Variants in ANKRD44 observed in about 807,000 individuals in gnomAD.
The protein encoded by ANKRD44 is serine/threonine-protein phosphatase 6 regulatory ankyrin repeat subunit B.
In ANKRD44, 35 loss-of-function variants were observed where a neutral mutation model predicts 116.0. The ratio of observed to expected loss-of-function variants is 0.30; its 90% CI spans 0.23 to 0.40. The LOEUF (loss-of-function observed/expected upper bound fraction) is 0.40. Ranked by LOEUF, ANKRD44 falls within the 10% of genes least tolerant of loss-of-function variation. The pLI is 1.00. For missense variants in ANKRD44, 1,014 were observed against 1,242.6 expected, an observed-to-expected ratio of 0.82 and a Z score of 2.77; for synonymous variants, 435 against 461.8, an observed-to-expected ratio of 0.94 and a Z score of 0.74.
At chr2:197,271,948 G>A (rs1291571822) in intron 1 of ANKRD44, among the ~76,000 whole-genome samples, 1 of 152,142 alleles carries the variant, frequency 6.6e-6, no homozygotes, top group Non-Finnish European at 1.5e-5. Flanking sequence ...CTGAATGTTT[G>A]TCCCCAACAA....
intron 2 of ANKRD44, among the ~76,000 whole-genome samples, chr2:197,181,088 A>C (rs1158055277): frequency 6.6e-6 from 1 of 152,230 alleles, no homozygotes; most frequent in Admixed American, 6.5e-5. Context: ...ACATAAGCTT[A>C]GCTTGCACCT....
At chr2:197,056,608 T>C (rs990161929) in intron 16 of ANKRD44, among the ~76,000 whole-genome samples, 1 of 152,168 alleles carries the variant, frequency 6.6e-6, no homozygotes, top group Admixed American at 6.5e-5. Context: ...ATCTTTAATT[T>C]TTCTCAATAA....
At chr2:197,229,176 C>T (rs2252542) in intron 1 of ANKRD44, among the ~76,000 whole-genome samples, 87,953 of 152,114 alleles carry the variant, frequency 0.58, 26,636 homozygotes, top group African/African-American at 0.77. Flanking sequence ...AGGCATAAAA[C>T]ACTTGATGTG....
chr2:197,056,961 T>A (rs1227633465), intron 16 of ANKRD44, among the ~76,000 whole-genome samples: 1 of 152,240 alleles, frequency 6.6e-6, no homozygotes, highest in Non-Finnish European at 1.5e-5. Flanking sequence ...GTGGACATTA[T>A]TGGCGGGCCA....
At chr2:197,061,198 C>G (rs1294722295) in intron 16 of ANKRD44, among the ~76,000 whole-genome samples, 1 of 152,184 alleles carries the variant, frequency 6.6e-6, no homozygotes, top group Non-Finnish European at 1.5e-5. Context: ...GCTTACAGAT[C>G]TTGTAGCTAG....
Position 197,125,915 on chromosome 2 carries a change from G to C in ANKRD44, c.384C>G (p.Pro128=). The C allele has an allele frequency of 1.2e-6, 2 of 1,614,188 alleles. No homozygotes were observed. The highest frequency in any genetic ancestry group is 1.7e-6 in the Non-Finnish European group (2 of 1,180,030). ...KAVKCAEVII[P]LLSSVNVSDR... Reference sequence around the variant, plus strand: ...CGGAGACATTGACACTGCTCAGCAGGGGAATGATCACTTCTGCACATTTGA... The same window carrying C: ...CGGAGACATTGACACTGCTCAGCAGCGGAATGATCACTTCTGCACATTTGA... Residue 128 remains proline (P), a synonymous_variant, in exon 5 of 28, where the codon CCC becomes CCG. Coordinates refer to ENST00000282272, the MANE Select transcript of ANKRD44 (RefSeq NM_001195144.2).
chr2:196,990,795 T>C (rs2075900892), intron 27 of ANKRD44: 2 of 1,232,070 alleles, frequency 1.6e-6, no homozygotes, highest in Non-Finnish European at 2.0e-6. Flanking sequence ...GCTCAAATTG[T>C]CTTTTTTTAA....
intron 3 of ANKRD44, among the ~76,000 whole-genome samples, chr2:197,145,098 T>C (rs1473257535): frequency 1.3e-5 from 2 of 152,112 alleles, no homozygotes. Flanking sequence ...GAGACTATCC[T>C]GGCTAACATG....
At chr2:197,012,287 A>C (rs567115544) in intron 18 of ANKRD44, among the ~76,000 whole-genome samples, 3 of 152,312 alleles carry the variant, frequency 2.0e-5, no homozygotes, top group Admixed American at 2.0e-4. Context: ...AGTGAAAATG[A>C]TTGTTCTTCA....
chr2:197,223,168 A>G (rs763082343), intron 1 of ANKRD44, among the ~76,000 whole-genome samples: 1 of 152,210 alleles, frequency 6.6e-6, no homozygotes, highest in Admixed American at 6.5e-5. Context: ...AACAGTTTAG[A>G]TAATAATGTT....
At position 197,277,178 on chromosome 2, in the gene ANKRD44, C is replaced by T. The variant is rs558594401; in HGVS notation, c.27+33400G>A. Among the ~76,000 whole-genome samples, 115 of 151,858 alleles carry T rather than the reference C, an allele frequency of 7.6e-4. 1 individual carries two copies. The highest frequency in any genetic ancestry group is 2.6e-3 in the African/African-American group (108 of 41,322). ...TCCTGACCTTGTGATTGGCCCACCT[C>T]GGCCTCCCAAAGGAATCTATTTTTC... On this transcript the variant is annotated intron_variant, in intron 1 of 27. Transcript: ENST00000282272.
At chr2:197,091,796 G>A (rs1270983702) in intron 10 of ANKRD44, among the ~76,000 whole-genome samples, 1 of 152,156 alleles carries the variant, frequency 6.6e-6, no homozygotes, top group African/African-American at 2.4e-5. Flanking sequence ...GCCTTTTGCT[G>A]ATCAAACTTC....
chr2:197,066,256 C>T (rs1042863965), intron 16 of ANKRD44, among the ~76,000 whole-genome samples: 2 of 152,288 alleles, frequency 1.3e-5, no homozygotes, highest in South Asian at 2.1e-4. Context: ...ATGCTAAAAA[C>T]TCTCAATAAA....
intron 11 of ANKRD44, among the ~76,000 whole-genome samples, chr2:197,089,535 A>G (rs922211949): frequency 3.3e-5 from 5 of 152,226 alleles, no homozygotes; most frequent in Non-Finnish European, 7.3e-5. Context: ...GGAGTGGGAA[A>G]GTAACATGAC....
At chr2:197,146,885 G>A in intron 3 of ANKRD44, 142 bp downstream of exon 3, 1 of 569,128 alleles carries the variant, frequency 1.8e-6, no homozygotes, top group Non-Finnish European at 3.1e-6. Flanking sequence ...TTTTCTTTGT[G>A]TAATGATAAA....
chr2:197,164,352 C>T (rs1328197856), intron 2 of ANKRD44, among the ~76,000 whole-genome samples: 3 of 152,164 alleles, frequency 2.0e-5, no homozygotes, highest in African/African-American at 7.2e-5. Flanking sequence ...GGGCGGGAGG[C>T]GCAGCTGCGG....
chr2:197,239,112 C>A lies in ANKRD44; in HGVS notation c.28-52006G>T, dbSNP rs191149307. 4.5e-3 allele frequency among the ~76,000 whole-genome samples: 678 copies of A among 152,292 alleles called. 6 individuals are homozygous for A. The highest frequency in any genetic ancestry group is 0.016 in the African/African-American group (653 of 41,554). On this transcript the variant is annotated intron_variant, in intron 1 of 27. Coordinates refer to ENST00000282272, the MANE Select transcript of ANKRD44 (RefSeq NM_001195144.2). The stretch of plus-strand genomic sequence containing the variant: ...TGGCTGCTCAAGTCCAGCAATCTCA[C>A]CCAATTCCAGGCATCAGGAAGAAAG...
chr2:197,266,148 C>T (rs2082735762), intron 1 of ANKRD44, among the ~76,000 whole-genome samples: 1 of 151,950 alleles, frequency 6.6e-6, no homozygotes. Flanking sequence ...AGGTAGCCGC[C>T]TGGCCAGGCT....
chr2:197,106,810 T>A (rs376386719), intron 9 of ANKRD44, among the ~76,000 whole-genome samples: 17,607 of 101,416 alleles, frequency 0.17, 1,269 homozygotes, highest in South Asian at 0.21. Context: ...ATATATATTT[T>A]TTTTTTTTTT....
Sources: gnomAD v4.1 joint callset for allele counts (sites outside exome capture counted in the v4.1 genomes callset) on GRCh38, gnomAD v4.1.1 for gene constraint, MANE v1.5 for transcripts, NCBI Gene and HGNC (gene_info 2026-07-23, HGNC 2026-07-21) for gene names.